The following TNFRSF10A variants were observed in gnomAD, a reference collection of about 807,000 sequenced individuals.
TNFRSF10A encodes tumor necrosis factor receptor superfamily member 10A.
Under a neutral mutation model 42.8 loss-of-function variants are expected in TNFRSF10A, and 44 were observed. The ratio of observed to expected loss-of-function variants is 1.03; its 90% CI spans 0.81 to 1.32. The LOEUF (loss-of-function observed/expected upper bound fraction) is 1.32. Among genes scored for constraint, TNFRSF10A ranks in the 40% most tolerant of loss-of-function variants. The probability of loss-of-function intolerance (pLI) is 0.00; values close to 1 mark genes in which losing one functional copy is unlikely to be tolerated. For synonymous variants in TNFRSF10A, 259 were observed against 234.2 expected, an observed-to-expected ratio of 1.11 and a Z score of -0.97; for missense variants, 680 against 602.0, an observed-to-expected ratio of 1.13 and a Z score of -1.36.
intron 1 of TNFRSF10A, among the ~76,000 whole-genome samples, chr8:23,214,212 G>A (rs1369325134): frequency 3.3e-5 from 5 of 152,060 alleles, no homozygotes; most frequent in African/African-American, 1.2e-4. Context: ...TTTAGGCCGG[G>A]CGCAGTGGCT....
intron 1 of TNFRSF10A, among the ~76,000 whole-genome samples, chr8:23,221,464 G>A (rs1211232865): frequency 1.3e-5 from 2 of 152,216 alleles, no homozygotes; most frequent in Non-Finnish European, 2.9e-5. Context: ...GACGAGACGA[G>A]GTGGAAGGAC....
At position 23,201,880 on chromosome 8, in the gene TNFRSF10A, GTGTT is replaced by G. The variant is rs750043193; in HGVS notation, c.553_556del (p.Asn185GlnfsTer57). 1 of 1,614,198 alleles carries G rather than the reference GTGTT, an allele frequency of 6.2e-7. No homozygotes were observed. The highest frequency in any genetic ancestry group is 8.5e-7 in the Non-Finnish European group (1 of 1,180,034). ...AGTTCCTGGTTTGCACTGACATGCT[GTGTT>G]CCTGGTCGTGGTGCAGGGACTTCTC... is the stretch of plus-strand genomic sequence containing the variant. On this transcript the variant is annotated frameshift_variant, in exon 4 of 10. Coordinates refer to ENST00000221132, the MANE Select transcript of TNFRSF10A (RefSeq NM_003844.4). LOFTEE classifies it high-confidence loss of function.
Position 23,197,078 on chromosome 8 carries a change from A to G in TNFRSF10A, c.1087+54T>C, listed in dbSNP as rs1239788392. 1.9e-6 allele frequency: 3 copies of G among 1,608,712 alleles called. No individual in the cohort carries two copies. The African/African-American group carries it at 4.0e-5, about 22-fold the overall frequency. ...CTCAGCAATGGGGACACCAGTTAGGACACCGTCCCTATTCCCACCATTTCT... is the reference window on the plus strand; with the variant it reads ...CTCAGCAATGGGGACACCAGTTAGGGCACCGTCCCTATTCCCACCATTTCT... On this transcript the variant is annotated intron_variant, in intron 9 of 9. Transcript: ENST00000221132.
intron 2 of TNFRSF10A, 28 bp from the exon 3 acceptor site, chr8:23,202,789 T>A (rs367745837): frequency 2.0e-6 from 3 of 1,521,848 alleles, no homozygotes; most frequent in Non-Finnish European, 2.7e-6. Context: ...AGCCAATGAA[T>A]GAATTGCCAC....
intron 1 of TNFRSF10A, 138 bp from the exon 2 acceptor site, chr8:23,212,350 T>C: frequency 1.4e-6 from 1 of 721,688 alleles, no homozygotes; most frequent in South Asian, 1.6e-5. Flanking sequence ...AACTCAACCA[T>C]TTGTTTGTGC....
At position 23,199,380 on chromosome 8, in the gene TNFRSF10A, C is replaced by T. The variant is rs760961600; in HGVS notation, c.900G>A (p.Leu300=). 2 of 1,614,082 alleles carry T rather than the reference C, an allele frequency of 1.2e-6. No individual in the cohort carries two copies. Among genetic ancestry groups the T allele is most frequent in the Non-Finnish European group, 1.7e-6 (2 of 1,180,036 alleles). Residue 300 remains leucine, a synonymous_variant, in exon 8 of 10, where the codon CTG becomes CTA. Coordinates refer to ENST00000221132, the MANE Select transcript of TNFRSF10A (RefSeq NM_003844.4). ...AAGTGGACAGCGAGTCTGCGTTGCT[C>T]AGAATCTCGTTGTGAGCATTGTCCT... is the stretch of plus-strand genomic sequence containing the variant. ...GAEDNAHNEI[L]SNADSLSTFV... is the part of the protein sequence containing the mutation.
At chr8:23,201,948 T>C (rs756192321) in intron 3 of TNFRSF10A, 29 bp from the exon 4 acceptor site, 1 of 1,598,570 alleles carries the variant, frequency 6.3e-7, no homozygotes, top group Non-Finnish European at 8.6e-7. Context: ...GTTTTGGGAA[T>C]GTGTTTCCCT....
chr8:23,197,265 C>T, intron 8 of TNFRSF10A, 61 bp from the exon 9 acceptor site: 1 of 1,604,128 alleles, frequency 6.2e-7, no homozygotes, highest in South Asian at 1.1e-5. Flanking sequence ...CTAGTACTGA[C>T]TCTGACCATC....
At chr8:23,223,857 G>C (rs1173675444) in intron 1 of TNFRSF10A, among the ~76,000 whole-genome samples, 1 of 152,230 alleles carries the variant, frequency 6.6e-6, no homozygotes, top group Non-Finnish European at 1.5e-5. Context: ...CCCGCTCCTG[G>C]CTGCCTGCCT....
intron 2 of TNFRSF10A, among the ~76,000 whole-genome samples, chr8:23,208,808 C>G (rs1801054266): frequency 6.6e-6 from 1 of 152,074 alleles, no homozygotes; most frequent in Non-Finnish European, 1.5e-5. Flanking sequence ...AAATCTGCAA[C>G]CTGACAATGT....
At chr8:23,210,732 T>C (rs1188545189) in intron 2 of TNFRSF10A, among the ~76,000 whole-genome samples, 1 of 152,068 alleles carries the variant, frequency 6.6e-6, no homozygotes, top group Non-Finnish European at 1.5e-5. Context: ...CAGGACCAAA[T>C]AAGTTTTATC....
At chr8:23,210,622 C>T (rs1801080877) in intron 2 of TNFRSF10A, among the ~76,000 whole-genome samples, 1 of 152,150 alleles carries the variant, frequency 6.6e-6, no homozygotes, top group South Asian at 2.1e-4. Context: ...GCAGAGCTTG[C>T]AGTGAGCCGA....
At chr8:23,212,570 TTGTG>T (rs1245296942) in intron 1 of TNFRSF10A, among the ~76,000 whole-genome samples, 1 of 152,250 alleles carries the variant, frequency 6.6e-6, no homozygotes, top group Non-Finnish European at 1.5e-5. Flanking sequence ...TTCCTTTCCA[TTGTG>T]TGTATATGTA....
chr8:23,191,358 A>T lies in TNFRSF10A; in HGVS notation c.*336T>A, dbSNP rs1800750196. 3.0e-6 allele frequency: 1 copy of T among 332,798 alleles called. No individual in the cohort carries two copies. Among genetic ancestry groups the T allele is most frequent in the Non-Finnish European group, 5.5e-6 (1 of 183,248 alleles). The allele number at this position is 332,798 out of a possible 1,614,324, so 20.6% of individuals were successfully genotyped here. On this transcript the variant is annotated 3_prime_UTR_variant, in exon 10 of 10. Coordinates refer to ENST00000221132, the MANE Select transcript of TNFRSF10A (RefSeq NM_003844.4). ...AGTCTTGCTCTGTGTCCCAGGCTGG[A>T]GTGCAGTGGTGCAATCTCAGCTCAC...
chr8:23,195,755 T>C (rs1289826963), intron 9 of TNFRSF10A, among the ~76,000 whole-genome samples: 1 of 152,160 alleles, frequency 6.6e-6, no homozygotes, highest in African/African-American at 2.4e-5. Flanking sequence ...AGAGATTGTG[T>C]TTCAGAAGAA....
chr8:23,210,160 C>T (rs1281791904), intron 2 of TNFRSF10A, among the ~76,000 whole-genome samples: 1 of 152,190 alleles, frequency 6.6e-6, no homozygotes, highest in African/African-American at 2.4e-5. Context: ...TGTGAGGCTT[C>T]TGCAGCCACA....
chr8:23,213,547 A>G (rs1801124415), intron 1 of TNFRSF10A, among the ~76,000 whole-genome samples: 1 of 146,564 alleles, frequency 6.8e-6, no homozygotes. Context: ...TCCCAGGTTC[A>G]TGCCATTCTC....
chr8:23,221,830 G>C (rs1801260483), intron 1 of TNFRSF10A, among the ~76,000 whole-genome samples: 1 of 151,166 alleles, frequency 6.6e-6, no homozygotes. Context: ...AGCAAAGAAT[G>C]AAAGTTCCAT....
At chr8:23,213,785 T>C (rs535181687) in intron 1 of TNFRSF10A, among the ~76,000 whole-genome samples, 1 of 152,216 alleles carries the variant, frequency 6.6e-6, no homozygotes, top group South Asian at 2.1e-4. Context: ...AAAGGTAGAT[T>C]GTTCATTTAT....
Sources: allele counts gnomAD v4.1 joint callset (sites outside exome capture counted in the v4.1 genomes callset), GRCh38; gene constraint gnomAD v4.1.1; transcripts MANE v1.5; gene names NCBI Gene and HGNC (gene_info 2026-07-23, HGNC 2026-07-21).